ERICH6B: variants seen among roughly 807,000 people sequenced by gnomAD.
ERICH6B encodes the protein glutamate-rich protein 6B.
Under a neutral mutation model 80.0 loss-of-function variants are expected in ERICH6B, and 69 were observed. The ratio of observed to expected loss-of-function variants is 0.86; its 90% CI spans 0.71 to 1.05. The LOEUF (loss-of-function observed/expected upper bound fraction) is 1.05. Among genes scored for constraint, ERICH6B ranks in the 50% least tolerant of loss-of-function variants. The pLI is 0.00. For synonymous variants in ERICH6B, 283 were observed against 291.9 expected (o/e 0.97, Z 0.31); for missense variants, 754 against 796.1 (o/e 0.95, Z 0.64).
intron 3 of ERICH6B, among the ~76,000 whole-genome samples, chr13:45,595,662 C>T (rs1312011176): frequency 1.3e-5 from 2 of 148,460 alleles, no homozygotes; most frequent in East Asian, 2.0e-4. Context: ...TTCTTTCTTT[C>T]TTTCCTTCTT....
intron 2 of ERICH6B, among the ~76,000 whole-genome samples, chr13:45,604,160 G>C (rs943546133): frequency 2.6e-5 from 4 of 152,254 alleles, no homozygotes; most frequent in Non-Finnish European, 2.9e-5. Context: ...GTGTATCTGA[G>C]AAGAGGGAAC....
intron 6 of ERICH6B, among the ~76,000 whole-genome samples, chr13:45,580,381 C>T (rs11616280): frequency 1.3e-5 from 2 of 152,068 alleles, no homozygotes; most frequent in East Asian, 1.9e-4. Context: ...AAAATGCCAG[C>T]GCACTTAACT....
At chr13:45,608,287 C>T (rs1949881069) in intron 1 of ERICH6B, among the ~76,000 whole-genome samples, 1 of 152,184 alleles carries the variant, frequency 6.6e-6, no homozygotes, top group Non-Finnish European at 1.5e-5. Flanking sequence ...TGCTTGATGG[C>T]AGCACAAAAA....
intron 1 of ERICH6B, among the ~76,000 whole-genome samples, chr13:45,611,274 A>T (rs1370960552): frequency 6.6e-6 from 1 of 152,232 alleles, no homozygotes; most frequent in Non-Finnish European, 1.5e-5. Flanking sequence ...GTAAAGCGGC[A>T]GTAGGAACAG....
At chr13:45,541,726 G>A in intron 14 of ERICH6B, 46 bp from the exon 15 acceptor site, 1 of 1,525,566 alleles carries the variant, frequency 6.6e-7, no homozygotes. Flanking sequence ...TGCTGCCTGA[G>A]CACGGTGCCC....
At chr13:45,561,640 C>A in intron 10 of ERICH6B, 114 bp from the exon 11 acceptor site, 1 of 1,154,410 alleles carries the variant, frequency 8.7e-7, no homozygotes, top group East Asian at 2.6e-5. Flanking sequence ...GGGAGATCTG[C>A]CATTTTTCCC....
chr13:45,566,815 T>C (rs1238861745), intron 9 of ERICH6B, among the ~76,000 whole-genome samples: 2 of 152,164 alleles, frequency 1.3e-5, no homozygotes, highest in Admixed American at 1.3e-4. Flanking sequence ...CACCACCTAA[T>C]GGAGCTATGA....
chr13:45,562,734 A>G (rs188963325), intron 10 of ERICH6B, among the ~76,000 whole-genome samples: 1 of 152,356 alleles, frequency 6.6e-6, no homozygotes, highest in East Asian at 1.9e-4. Flanking sequence ...AATCTGTAGC[A>G]TGCAAAGGAG....
At chr13:45,553,089 T>C in intron 11 of ERICH6B, 1 of 323,860 alleles carries the variant, frequency 3.1e-6, no homozygotes, top group African/African-American at 2.2e-5. Flanking sequence ...TTGCAAGACA[T>C]TCCTTAAACT....
intron 14 of ERICH6B, among the ~76,000 whole-genome samples, chr13:45,543,996 C>T (rs137878755): frequency 6.6e-6 from 1 of 152,244 alleles, no homozygotes; most frequent in Non-Finnish European, 1.5e-5. Context: ...CTCAAGTGAG[C>T]CTCCTGCCTC....
intron 2 of ERICH6B, among the ~76,000 whole-genome samples, chr13:45,607,038 T>TAA (rs59407473): frequency 2.4e-4 from 37 of 152,090 alleles, no homozygotes; most frequent in African/African-American, 8.7e-4. Context: ...ACATTGTAGA[T>TAA]AAAAAAACAA....
At chr13:45,568,639 T>C (rs1875024786) in intron 8 of ERICH6B, among the ~76,000 whole-genome samples, 188 bp from the exon 9 acceptor site, 1 of 152,192 alleles carries the variant, frequency 6.6e-6, no homozygotes, top group Non-Finnish European at 1.5e-5. Context: ...CTGGGCTTAA[T>C]ACCTAGGTGA....
Position 45,549,896 on chromosome 13 carries a change from A to G in ERICH6B, c.1643T>C (p.Ile548Thr). The change falls in exon 13 of 15, where the codon ATC becomes ACC. Residue 548 changes from isoleucine to threonine, a missense_variant. Physicochemically the swap from Ile to Thr is moderately conservative, Grantham distance 89. Coordinates refer to ENST00000298738, the MANE Select transcript of ERICH6B (RefSeq NM_182542.3). ...NATFYDENSD[I>T]WLNLSSNLGY... ...GGGACTCATGACCCAAGCTTACCAGATATCACTATTTTCATCATAGAAGGT... is the reference window on the plus strand; with the variant it reads ...GGGACTCATGACCCAAGCTTACCAGGTATCACTATTTTCATCATAGAAGGT... 2.6e-6 allele frequency: 4 copies of G among 1,550,408 alleles called. No homozygotes were observed. Among genetic ancestry groups the G allele is most frequent in the Admixed American group, 2.0e-5 (1 of 50,994 alleles).
intron 2 of ERICH6B, among the ~76,000 whole-genome samples, chr13:45,606,657 G>A (rs544395375): frequency 3.4e-5 from 5 of 147,078 alleles, no homozygotes; most frequent in South Asian, 2.2e-4. Flanking sequence ...AGGTTCAAGC[G>A]ATTCTCCTGC....
At chr13:45,553,118 C>T in intron 11 of ERICH6B, 1 of 362,810 alleles carries the variant, frequency 2.8e-6, no homozygotes, top group Non-Finnish European at 5.5e-6. Flanking sequence ...TGATCAGATT[C>T]TGGTATTTGT....
At chr13:45,561,235 T>G in intron 11 of ERICH6B, 134 bp downstream of exon 11, 2 of 878,900 alleles carry the variant, frequency 2.3e-6, no homozygotes, top group Non-Finnish European at 3.4e-6. Context: ...GGTGTACCTC[T>G]GATATCTTGG....
chr13:45,592,780 G>A (rs966492843), intron 3 of ERICH6B, among the ~76,000 whole-genome samples: 6 of 152,180 alleles, frequency 3.9e-5, no homozygotes, highest in African/African-American at 1.4e-4. Flanking sequence ...AATGTAGCCT[G>A]GAGGCTCCTC....
intron 4 of ERICH6B, among the ~76,000 whole-genome samples, chr13:45,589,259 C>A (rs1299249644): frequency 6.6e-6 from 1 of 152,134 alleles, no homozygotes; most frequent in African/African-American, 2.4e-5. Flanking sequence ...CAGGAAGGCC[C>A]CCCCAGGGCC....
chr13:45,567,841 G>A (rs1408605390), intron 9 of ERICH6B, among the ~76,000 whole-genome samples: 1 of 152,194 alleles, frequency 6.6e-6, no homozygotes, highest in Non-Finnish European at 1.5e-5. Flanking sequence ...GAAGCTCAAG[G>A]CTCTCCCTCC....
Sources: gnomAD v4.1 joint callset for allele counts (sites outside exome capture counted in the v4.1 genomes callset) on GRCh38, gnomAD v4.1.1 for gene constraint, MANE v1.5 for transcripts, NCBI Gene and HGNC (gene_info 2026-07-23, HGNC 2026-07-21) for gene names.